Variants in PPA2 observed in about 807,000 individuals in gnomAD.
PPA2 encodes the protein inorganic pyrophosphatase 2, mitochondrial.
Under a neutral mutation model 49.5 loss-of-function variants are expected in PPA2, and 48 were observed. The ratio of observed to expected loss-of-function variants is 0.97; its 90% CI spans 0.77 to 1.23. The LOEUF (loss-of-function observed/expected upper bound fraction) is 1.23. Ranked by LOEUF, PPA2 falls within the 50% of genes most tolerant of loss-of-function variation. The pLI, the probability that PPA2 is intolerant of heterozygous loss-of-function variation, is 0.00. For missense variants in PPA2, 429 were observed against 410.1 expected, an observed-to-expected ratio of 1.05 and a Z score of -0.40; for synonymous variants, 131 against 139.9, an observed-to-expected ratio of 0.94 and a Z score of 0.45.
At chr4:105,451,855 A>G (rs1479895872) in intron 3 of PPA2, among the ~76,000 whole-genome samples, 1 of 152,218 alleles carries the variant, frequency 6.6e-6, no homozygotes, top group East Asian at 1.9e-4. Flanking sequence ...CTCTCCAGCT[A>G]AGATGCATTT....
intron 10 of PPA2, among the ~76,000 whole-genome samples, chr4:105,379,182 A>G (rs1170492559): frequency 6.6e-6 from 1 of 152,054 alleles, no homozygotes; most frequent in African/African-American, 2.4e-5. Flanking sequence ...TCTGTTGGCA[A>G]TATTTTATAC....
At chr4:105,397,903 A>G (rs775193530) in intron 8 of PPA2, among the ~76,000 whole-genome samples, 22 of 152,250 alleles carry the variant, frequency 1.4e-4, no homozygotes, top group Middle Eastern at 3.4e-3. Context: ...GAGCTAAATA[A>G]ACCTTTTCTT....
At chr4:105,423,750 A>C (rs1452615550) in intron 7 of PPA2, among the ~76,000 whole-genome samples, 2 of 152,204 alleles carry the variant, frequency 1.3e-5, no homozygotes, top group Non-Finnish European at 2.9e-5. Context: ...AGAGACAAAA[A>C]CTAGGTGCAG....
intron 9 of PPA2, among the ~76,000 whole-genome samples, chr4:105,387,718 C>G (rs1453100396): frequency 2.0e-5 from 3 of 152,012 alleles, no homozygotes; most frequent in Non-Finnish European, 4.4e-5. Context: ...CACACGTTTA[C>G]TTACGTAACA....
chr4:105,383,877 T>G (rs929599262), intron 10 of PPA2, among the ~76,000 whole-genome samples: 2 of 138,236 alleles, frequency 1.4e-5, no homozygotes, highest in Non-Finnish European at 3.1e-5. Context: ...TTCTGTGTCT[T>G]CAATTATTCT....
chr4:105,464,636 A>G (rs1228090238), intron 1 of PPA2, among the ~76,000 whole-genome samples: 2 of 152,176 alleles, frequency 1.3e-5, no homozygotes, highest in African/African-American at 4.8e-5. Context: ...GAGATAATTG[A>G]ATCATGGGGG....
chr4:105,399,324 A>T (rs1442675927), intron 7 of PPA2, 160 bp from the exon 8 acceptor site: 3 of 606,596 alleles, frequency 4.9e-6, no homozygotes, highest in Non-Finnish European at 8.3e-6. Flanking sequence ...TGATATGTAT[A>T]TCACCTTCAG....
chr4:105,395,127 G>A (rs1734082811), intron 9 of PPA2, among the ~76,000 whole-genome samples: 1 of 151,864 alleles, frequency 6.6e-6, no homozygotes, highest in Non-Finnish European at 1.5e-5. Context: ...AAGGGAGAAG[G>A]CCAAGGAGTT....
At chr4:105,469,750 T>C (rs1337320445) in intron 1 of PPA2, among the ~76,000 whole-genome samples, 1 of 152,234 alleles carries the variant, frequency 6.6e-6, no homozygotes, top group Non-Finnish European at 1.5e-5. Context: ...TTTTTCTATA[T>C]TCACACAAAA....
chr4:105,430,898 A>G (rs1294203351), intron 6 of PPA2, among the ~76,000 whole-genome samples: 2 of 152,240 alleles, frequency 1.3e-5, no homozygotes, highest in African/African-American at 4.8e-5. Context: ...ACTAGTGTAC[A>G]GTGTAGATAT....
intron 5 of PPA2, among the ~76,000 whole-genome samples, chr4:105,442,867 G>A (rs1236665531): frequency 1.3e-5 from 2 of 152,124 alleles, no homozygotes; most frequent in East Asian, 1.9e-4. Flanking sequence ...GTTACAAGAC[G>A]AATCATAGAA....
intron 3 of PPA2, among the ~76,000 whole-genome samples, chr4:105,451,445 G>A (rs1045524856): frequency 6.6e-6 from 1 of 152,208 alleles, no homozygotes; most frequent in East Asian, 1.9e-4. Context: ...CTCCTTAGAA[G>A]TATGTCTCAT....
intron 9 of PPA2, among the ~76,000 whole-genome samples, chr4:105,392,249 G>GA (rs1160779920): frequency 1.3e-5 from 2 of 150,438 alleles, no homozygotes; most frequent in Admixed American, 1.3e-4. Context: ...TCCAGCAGTG[G>GA]AAAAAAAGAA....
In PPA2 at chr4:105,456,672, A is replaced by C; in HGVS notation, c.222+9T>G. The stretch of plus-strand genomic sequence containing the variant: ...ACGTTTTCATTCCCAAAACAAGTCA[A>C]AACAATACCTCTTTAGAGTTCACCT... On this transcript the variant is annotated intron_variant, in intron 2 of 11. Coordinates refer to ENST00000341695, the MANE Select transcript of PPA2 (RefSeq NM_176869.3). The C allele has an allele frequency of 6.3e-7, 1 of 1,591,798 alleles. No individual in the cohort carries two copies. The highest frequency in any genetic ancestry group is 8.6e-7 in the Non-Finnish European group (1 of 1,164,814).
intron 1 of PPA2, among the ~76,000 whole-genome samples, chr4:105,459,386 A>G (rs1416894950): frequency 6.6e-6 from 1 of 152,262 alleles, no homozygotes; most frequent in Non-Finnish European, 1.5e-5. Context: ...AATTTTTTAC[A>G]TGATTATTTA....
At chr4:105,369,834 G>A in intron 11 of PPA2, 81 bp from the exon 12 acceptor site, 16 of 1,312,682 alleles carry the variant, frequency 1.2e-5, no homozygotes, top group East Asian at 2.3e-5. Context: ...ATTTAATTTC[G>A]ACTTTTAGGA....
intron 9 of PPA2, among the ~76,000 whole-genome samples, chr4:105,395,914 T>C (rs2713868): frequency 0.37 from 56,851 of 152,060 alleles, 12,596 homozygotes; most frequent in East Asian, 0.68. Context: ...AGGAGGCTTT[T>C]ACTTTCTAAG....
intron 2 of PPA2, 37 bp from the exon 3 acceptor site, chr4:105,453,679 C>T (rs768316220): frequency 2.6e-6 from 4 of 1,538,356 alleles, no homozygotes; most frequent in Non-Finnish European, 3.6e-6. Context: ...TGCAATATTT[C>T]ATGAAAGTAT....
chr4:105,461,669 G>A (rs1723097857), intron 1 of PPA2, among the ~76,000 whole-genome samples: 1 of 152,206 alleles, frequency 6.6e-6, no homozygotes, highest in South Asian at 2.1e-4. Flanking sequence ...TCAGTCAACT[G>A]AGGGGCTCAG....
Sources: allele counts gnomAD v4.1 joint callset (sites outside exome capture counted in the v4.1 genomes callset), GRCh38; gene constraint gnomAD v4.1.1; transcripts MANE v1.5; gene names NCBI Gene and HGNC (gene_info 2026-07-23, HGNC 2026-07-21).